Variants in ETS1 observed in about 807,000 individuals in gnomAD.
ETS1 encodes the protein ETS proto-oncogene 1, transcription factor, also known as protein C-ets-1.
In ETS1, 15 loss-of-function variants were observed where a neutral mutation model predicts 58.6. The observed-to-expected ratio is 0.26, with a 90% CI of 0.17 to 0.39. The LOEUF is 0.39. Ranked by LOEUF, ETS1 falls within the 10% of genes least tolerant of loss-of-function variation. The pLI is 1.00. For missense variants in ETS1, 417 were observed against 610.5 expected (o/e 0.68, Z 3.34); for synonymous variants, 214 against 218.2 (o/e 0.98, Z 0.17).
intron 2 of ETS1, chr11:128,572,288 A>C (rs889740885): frequency 1.3e-5 from 2 of 152,058 alleles, no homozygotes; most frequent in Non-Finnish European, 2.9e-5. Context: ...AAAAATAAAT[A>C]AAATAAACTT....
chr11:128,569,827 A>T (rs940300685), intron 2 of ETS1, among the ~76,000 whole-genome samples: 1 of 152,222 alleles, frequency 6.6e-6, no homozygotes, highest in African/African-American at 2.4e-5. Flanking sequence ...AGAAGTTAGG[A>T]GTGAAAGTGC....
intron 3 of ETS1, among the ~76,000 whole-genome samples, chr11:128,494,544 G>C (rs534715571): frequency 1.3e-5 from 2 of 152,304 alleles, no homozygotes; most frequent in South Asian, 4.1e-4. Flanking sequence ...CCACCTCATA[G>C]ATGTTTCAAG....
intron 2 of ETS1, among the ~76,000 whole-genome samples, chr11:128,564,915 G>A (rs1308288873): frequency 6.6e-6 from 1 of 151,428 alleles, no homozygotes; most frequent in Non-Finnish European, 1.5e-5. Flanking sequence ...TGGAGTTTGG[G>A]TTTTTTGTTT....
At chr11:128,569,923 T>C (rs2135576222) in intron 2 of ETS1, among the ~76,000 whole-genome samples, 1 of 152,306 alleles carries the variant, frequency 6.6e-6, no homozygotes, top group African/African-American at 2.4e-5. Context: ...GGATCTCACA[T>C]GTTAATGTTT....
At chr11:128,511,881 T>A (rs1223776034) in intron 3 of ETS1, among the ~76,000 whole-genome samples, 1 of 152,222 alleles carries the variant, frequency 6.6e-6, no homozygotes, top group Non-Finnish European at 1.5e-5. Context: ...TAACTTGGCA[T>A]CGGTGCACTG....
chr11:128,490,329 G>A, intron 4 of ETS1, 128 bp downstream of exon 4: 1 of 912,206 alleles, frequency 1.1e-6, no homozygotes, highest in Non-Finnish European at 1.7e-6. Flanking sequence ...ACAGATGGCA[G>A]CCATGGCCCA....
chr11:128,537,935 G>A (rs1863995641), intron 3 of ETS1, among the ~76,000 whole-genome samples: 1 of 152,112 alleles, frequency 6.6e-6, no homozygotes, highest in Non-Finnish European at 1.5e-5. Context: ...GATGACTTCA[G>A]GAATAATATG....
chr11:128,578,115 G>A (rs1334493876), intron 1 of ETS1, among the ~76,000 whole-genome samples: 5 of 152,200 alleles, frequency 3.3e-5, no homozygotes, highest in African/African-American at 4.8e-5. Context: ...TTCATAGAGC[G>A]AGTGACCACT....
chr11:128,499,423 T>C (rs1342138220), intron 3 of ETS1, among the ~76,000 whole-genome samples: 4 of 86,488 alleles, frequency 4.6e-5, no homozygotes, highest in Non-Finnish European at 1.1e-4. Flanking sequence ...AACAAGCACT[T>C]GTAGTTATTA....
rs535346262 is a variant in ETS1, at chr11:128,521,989, C to T, written c.215-31413G>A. ...GAGTCGGCTTGAGATCGACGGCCGC[C>T]TTCATGGTGCCAGGAGTGGGGGACG... On this transcript the variant is annotated intron_variant, in intron 3 of 9. Coordinates refer to ENST00000392668, the MANE Select transcript of ETS1 (RefSeq NM_001143820.2). The T allele has an allele frequency of 4.5e-5, 72 of 1,595,644 alleles. 2 individuals are homozygous for T. In the South Asian group the frequency reaches 7.8e-4, roughly 17 times the overall value.
intron 3 of ETS1, among the ~76,000 whole-genome samples, chr11:128,525,982 T>A (rs1340586717): frequency 1.3e-5 from 2 of 152,230 alleles, no homozygotes. Context: ...GACTGCAGGC[T>A]GGCTCTGTGA....
rs149302843 is a variant in ETS1, at chr11:128,541,993, G to C, written c.214+14298C>G. Among the ~76,000 whole-genome samples the C allele has an allele frequency of 3.1e-3, 469 of 152,156 alleles. 3 individuals are homozygous for C. The highest frequency in any genetic ancestry group is 0.011 in the African/African-American group (448 of 41,498). On this transcript the variant is annotated intron_variant, in intron 3 of 9. Transcript: ENST00000392668. ...TGTGACTGAATATGAAAATAGAGTG[G>C]CCATCTGCTGCTTTTCTATCTGTAG...
At chr11:128,494,039 A>T (rs1434945929) in intron 3 of ETS1, among the ~76,000 whole-genome samples, 2 of 152,242 alleles carry the variant, frequency 1.3e-5, no homozygotes, top group Non-Finnish European at 2.9e-5. Context: ...TACATTAGGT[A>T]CAAAATATTT....
At chr11:128,526,352 C>T (rs1247253238) in intron 3 of ETS1, 2 of 153,566 alleles carry the variant, frequency 1.3e-5, no homozygotes, top group Non-Finnish European at 2.9e-5. Context: ...TCAGTTCCTC[C>T]ATGTTTCAAC....
At chr11:128,494,207 G>A (rs1454007181) in intron 3 of ETS1, among the ~76,000 whole-genome samples, 1 of 152,144 alleles carries the variant, frequency 6.6e-6, no homozygotes, top group African/African-American at 2.4e-5. Context: ...AATCCGGCCT[G>A]GAGAAACACT....
intron 3 of ETS1, among the ~76,000 whole-genome samples, chr11:128,519,830 G>C (rs1283172183): frequency 1.3e-5 from 2 of 151,892 alleles, no homozygotes; most frequent in Non-Finnish European, 2.9e-5. Flanking sequence ...CTGAGGTATG[G>C]GCATAATGTT....
intron 3 of ETS1, among the ~76,000 whole-genome samples, chr11:128,533,031 C>T (rs940221753): frequency 4.6e-5 from 7 of 152,148 alleles, no homozygotes; most frequent in African/African-American, 1.7e-4. Flanking sequence ...GCCAATGTTC[C>T]ACTTCTCCTT....
At chr11:128,542,013 C>A (rs1222012490) in intron 3 of ETS1, among the ~76,000 whole-genome samples, 1 of 152,116 alleles carries the variant, frequency 6.6e-6, no homozygotes, top group Non-Finnish European at 1.5e-5. Context: ...GCTTTTCTAT[C>A]TGTAGTCTTT....
rs2135550501 is a variant in ETS1, at chr11:128,549,088, C to G, written c.214+7203G>C. Among the ~76,000 whole-genome samples the G allele has an allele frequency of 6.6e-6, 1 of 152,308 alleles. No individual in the cohort carries two copies. Among genetic ancestry groups the G allele is most frequent in the African/African-American group, 2.4e-5 (1 of 41,562 alleles). Reference sequence around the variant, plus strand: ...CAGCTGCAGGCTCCGGGCTGAGACCCCTGGCTGCAGTGCAAGAAAGCAACT... The same window carrying G: ...CAGCTGCAGGCTCCGGGCTGAGACCGCTGGCTGCAGTGCAAGAAAGCAACT... On this transcript the variant is annotated intron_variant, in intron 3 of 9. Coordinates refer to ENST00000392668, the MANE Select transcript of ETS1 (RefSeq NM_001143820.2). This position sits in a 1 kb window ranked among gnomAD's most constrained non-coding sequence, Gnocchi z 4.3.
Sources: allele counts gnomAD v4.1 joint callset (sites outside exome capture counted in the v4.1 genomes callset), GRCh38; gene constraint gnomAD v4.1.1; non-coding constraint Gnocchi (gnomAD v3.1); transcripts MANE v1.5; gene names NCBI Gene and HGNC (gene_info 2026-07-23, HGNC 2026-07-21).